CA10: variants seen among roughly 807,000 people sequenced by gnomAD.
CA10 encodes carbonic anhydrase-related protein 10.
Under a neutral mutation model 44.2 loss-of-function variants are expected in CA10, and 14 were observed. That is an observed-to-expected ratio of 0.32 (90% confidence interval 0.21 to 0.50). CA10 has a LOEUF of 0.50. Among genes scored for constraint, CA10 ranks in the 20% least tolerant of loss-of-function variants. CA10 has a pLI of 0.99. For missense variants in CA10, 350 were observed against 409.7 expected, an observed-to-expected ratio of 0.85 and a Z score of 1.26; for synonymous variants, 159 against 141.6, an observed-to-expected ratio of 1.12 and a Z score of -0.87.
intron 3 of CA10, among the ~76,000 whole-genome samples, chr17:51,871,001 C>G (rs1979778018): frequency 1.3e-5 from 2 of 150,576 alleles, no homozygotes; most frequent in African/African-American, 4.9e-5. Context: ...GAGATTTCTT[C>G]TCTTTTTCCA....
chr17:51,838,537 A>G (rs1021719198), intron 3 of CA10, among the ~76,000 whole-genome samples: 6 of 152,250 alleles, frequency 3.9e-5, no homozygotes, highest in Non-Finnish European at 7.3e-5. Context: ...TTTAATTGCC[A>G]TGAGGCGCTG....
intron 1 of CA10, among the ~76,000 whole-genome samples, chr17:52,112,961 T>C (rs559598505): frequency 9.8e-5 from 15 of 152,324 alleles, no homozygotes; most frequent in African/African-American, 3.6e-4. Flanking sequence ...CTCTTTATTC[T>C]TGGAAGATGG....
At chr17:51,725,159 G>T (rs967251823) in intron 4 of CA10, among the ~76,000 whole-genome samples, 1 of 152,212 alleles carries the variant, frequency 6.6e-6, no homozygotes, top group Non-Finnish European at 1.5e-5. Context: ...TATCTCAGTG[G>T]CTTCTGCACA....
At chr17:52,064,471 G>T (rs1987478699) in intron 2 of CA10, among the ~76,000 whole-genome samples, 1 of 152,134 alleles carries the variant, frequency 6.6e-6, no homozygotes, top group Admixed American at 6.5e-5. Flanking sequence ...GGCCATCCTG[G>T]ATCAGCAAGT....
At chr17:51,835,585 A>G (rs1300551501) in intron 3 of CA10, among the ~76,000 whole-genome samples, 2 of 152,236 alleles carry the variant, frequency 1.3e-5, no homozygotes, top group African/African-American at 4.8e-5. Flanking sequence ...AGGCGTTGTT[A>G]TCTTTCGATT....
chr17:52,072,480 T>C (rs1987704963), intron 1 of CA10, 87 bp from the exon 2 acceptor site: 3 of 928,770 alleles, frequency 3.2e-6, no homozygotes, highest in Admixed American at 2.0e-5. Flanking sequence ...TGAATATCCA[T>C]AAAATAACCC....
At chr17:51,932,356 A>T (rs909901277) in intron 2 of CA10, among the ~76,000 whole-genome samples, 2 of 152,188 alleles carry the variant, frequency 1.3e-5, no homozygotes, top group African/African-American at 4.8e-5. Flanking sequence ...AGTAGCCATC[A>T]TTCTTGCCTA....
chr17:51,651,259 CA>C (rs1913553421), intron 5 of CA10, among the ~76,000 whole-genome samples: 1 of 152,158 alleles, frequency 6.6e-6, no homozygotes, highest in African/African-American at 2.4e-5. Context: ...GAGCTTTGTT[CA>C]TCTTACTTCT....
At chr17:51,954,344 A>C (rs1198200435) in intron 2 of CA10, among the ~76,000 whole-genome samples, 1 of 152,188 alleles carries the variant, frequency 6.6e-6, no homozygotes, top group Non-Finnish European at 1.5e-5. Context: ...ATGCAAATTT[A>C]GCACAAGCCA....
At chr17:51,725,577 C>G (rs1349501783) in intron 4 of CA10, among the ~76,000 whole-genome samples, 1 of 152,142 alleles carries the variant, frequency 6.6e-6, no homozygotes, top group Non-Finnish European at 1.5e-5. Context: ...AGGGAGGTAC[C>G]CAGTGGCCAC....
intron 3 of CA10, among the ~76,000 whole-genome samples, chr17:51,820,879 T>C (rs1202059450): frequency 6.6e-6 from 1 of 152,134 alleles, no homozygotes; most frequent in Non-Finnish European, 1.5e-5. Flanking sequence ...TGTTTCTTTT[T>C]GGTAGAATAA....
At chr17:51,761,422 T>TCTAATATCTAAATATCTAAG (rs1905213949) in intron 3 of CA10, 2 of 152,218 alleles carry the variant, frequency 1.3e-5, no homozygotes, top group Non-Finnish European at 2.9e-5. Flanking sequence ...TTATCTAAAT[T>TCTAATATCTAAATATCTAAG]ATAAACCTCT....
At chr17:51,937,338 T>C (rs1219249459) in intron 2 of CA10, among the ~76,000 whole-genome samples, 1 of 152,164 alleles carries the variant, frequency 6.6e-6, no homozygotes, top group Non-Finnish European at 1.5e-5. Flanking sequence ...CTTTGAGCCA[T>C]TATTAATGAG....
intron 4 of CA10, among the ~76,000 whole-genome samples, chr17:51,671,064 C>T (rs1383400389): frequency 6.6e-6 from 1 of 152,164 alleles, no homozygotes. Flanking sequence ...TACTTCATGT[C>T]AGCTGTGGAG....
intron 1 of CA10, among the ~76,000 whole-genome samples, chr17:52,130,958 A>G (rs1989225614): frequency 6.6e-6 from 1 of 152,170 alleles, no homozygotes; most frequent in South Asian, 2.1e-4. Flanking sequence ...GAAAATTGCT[A>G]AAGGAGTAGA....
At chr17:51,911,842 T>A (rs1188515208) in intron 3 of CA10, among the ~76,000 whole-genome samples, 4 of 152,160 alleles carry the variant, frequency 2.6e-5, no homozygotes, top group Non-Finnish European at 1.5e-5. Context: ...CAAAAAAATA[T>A]AATAAGCATT....
chr17:52,012,984 A>G (rs1172627257), intron 2 of CA10, among the ~76,000 whole-genome samples: 1 of 152,040 alleles, frequency 6.6e-6, no homozygotes, highest in Admixed American at 6.6e-5. Context: ...TTGCTGGCCA[A>G]GGTGTACATA....
At chr17:52,121,528 C>A (rs1319340395) in intron 1 of CA10, among the ~76,000 whole-genome samples, 1 of 152,094 alleles carries the variant, frequency 6.6e-6, no homozygotes, top group Non-Finnish European at 1.5e-5. Flanking sequence ...GTATGTGAAG[C>A]TGTAAACCCA....
intron 2 of CA10, among the ~76,000 whole-genome samples, chr17:51,984,049 A>C (rs1439033522): frequency 6.6e-6 from 1 of 151,790 alleles, no homozygotes; most frequent in Non-Finnish European, 1.5e-5. Flanking sequence ...TCCCCAAATT[A>C]TTCTTATTCT....
Sources: allele counts gnomAD v4.1 joint callset (sites outside exome capture counted in the v4.1 genomes callset), GRCh38; gene constraint gnomAD v4.1.1; transcripts MANE v1.5; gene names NCBI Gene and HGNC (gene_info 2026-07-23, HGNC 2026-07-21).